NAGK: variants seen among roughly 807,000 people sequenced by gnomAD.
NAGK encodes N-acetylglucosamine kinase, also known as N-acetyl-D-glucosamine kinase.
Under a neutral mutation model 42.9 loss-of-function variants are expected in NAGK, and 35 were observed. The observed-to-expected ratio is 0.82, with a 90% CI of 0.62 to 1.08. NAGK has a LOEUF of 1.08. Among genes scored for constraint, NAGK ranks in the 50% least tolerant of loss-of-function variants. NAGK has a pLI of 0.00. For synonymous variants in NAGK, 172 were observed against 176.0 expected (o/e 0.98, Z 0.18); for missense variants, 446 against 446.0 (o/e 1.00, Z 0.00).
chr2:71,078,200 C>A, intron 9 of NAGK, 118 bp from the exon 10 acceptor site: 1 of 983,760 alleles, frequency 1.0e-6, no homozygotes. Flanking sequence ...CATGTAGGCC[C>A]CTCCAGCATC....
chr2:71,076,870 T>G (rs1001835503), intron 8 of NAGK, among the ~76,000 whole-genome samples, 169 bp downstream of exon 8: 1 of 152,212 alleles, frequency 6.6e-6, no homozygotes, highest in Non-Finnish European at 1.5e-5. Flanking sequence ...AGTTCTTTGG[T>G]CAAATGCCGC....
In NAGK at chr2:71,073,522, C is replaced by T. The variant is rs144182116; in HGVS notation, c.507C>T (p.Asp169=). 25 of 1,614,038 alleles carry T rather than the reference C, an allele frequency of 1.5e-5. No individual in the cohort carries two copies. In the African/African-American group the frequency reaches 2.9e-4, roughly 19 times the overall value. The change falls in exon 6 of 10, where the codon GAC becomes GAT. Residue 169 remains aspartate, a synonymous_variant. Coordinates refer to ENST00000244204, the MANE Select transcript of NAGK (RefSeq NM_017567.6). ...IAHQAVKIVF[D]SIDNLEAAPH... Reference sequence around the variant, plus strand: ...ACCAAGCAGTGAAAATAGTGTTTGACTCCATTGACAACCTAGAGGCGGCTC... The same window carrying T: ...ACCAAGCAGTGAAAATAGTGTTTGATTCCATTGACAACCTAGAGGCGGCTC...
intron 4 of NAGK, 137 bp downstream of exon 4, chr2:71,071,964 T>C: frequency 8.2e-7 from 1 of 1,219,526 alleles, no homozygotes; most frequent in East Asian, 2.6e-5. Context: ...TTAAGTAGTT[T>C]AAGTCTCTGC....
In NAGK at chr2:71,078,512, G is replaced by A. The variant is rs1173771994; in HGVS notation, c.*4G>A. 1.3e-6 allele frequency: 2 copies of A among 1,513,392 alleles called. No homozygotes were observed. Among genetic ancestry groups the A allele is most frequent in the African/African-American group, 1.4e-5 (1 of 71,942 alleles). 93.7% of individuals were successfully genotyped at this position (1,513,392 alleles called of 1,614,324 possible). On this transcript the variant is annotated 3_prime_UTR_variant, in exon 10 of 10. Coordinates refer to ENST00000244204, the MANE Select transcript of NAGK (RefSeq NM_017567.6). ...CTATTCCTACACCTTTTCCTAGGGGGCTGGTCCCGGCTCCACCCCCTCCAA... is the reference window on the plus strand; with the variant it reads ...CTATTCCTACACCTTTTCCTAGGGGACTGGTCCCGGCTCCACCCCCTCCAA...
chr2:71,074,693 T>G (rs1201463479), intron 6 of NAGK: 1 of 152,236 alleles, frequency 6.6e-6, no homozygotes, highest in Non-Finnish European at 1.5e-5. Flanking sequence ...GGTGGGCGGA[T>G]CACTTGAGGT....
Position 71,068,668 on chromosome 2 carries a change from C to A in NAGK, c.-16C>A, listed in dbSNP as rs754408067. 1 of 1,519,138 alleles carries A rather than the reference C, an allele frequency of 6.6e-7. No homozygotes were observed. The highest frequency in any genetic ancestry group is 1.2e-5 in the South Asian group (1 of 81,460). The allele number at this position is 1,519,138 out of a possible 1,614,324, so 94.1% of individuals were successfully genotyped here. The stretch of plus-strand genomic sequence containing the variant: ...GAGACGCAAACGGCGGGACCAGCAG[C>A]GACGGTAGCAGCAGCATGGCCGCGA... On this transcript the variant is annotated 5_prime_UTR_variant, in exon 1 of 10. Coordinates refer to ENST00000244204, the MANE Select transcript of NAGK (RefSeq NM_017567.6).
At position 71,070,486 on chromosome 2, in the gene NAGK, C is replaced by T; in HGVS notation, c.30-16C>T. The T allele has an allele frequency of 6.2e-7, 1 of 1,609,832 alleles. No individual in the cohort carries two copies. On this transcript the variant is annotated splice_polypyrimidine_tract_variant and intron_variant, in intron 1 of 9. Transcript: ENST00000244204. ...GTTTTTCCGAGCAAGATCAAGTGCC[C>T]TCTTGTGTTCTGTAGGGGAGGCACA...
At chr2:71,068,517 C>A (rs1198534290), upstream of NAGK, 4 of 1,448,608 alleles carry the variant, frequency 2.8e-6, no homozygotes, top group Non-Finnish European at 3.6e-6. Flanking sequence ...GCAGCCATCC[C>A]CGGCTCCTAC....
intron 6 of NAGK, among the ~76,000 whole-genome samples, chr2:71,074,065 G>A (rs528512601): frequency 6.6e-6 from 1 of 152,194 alleles, no homozygotes; most frequent in Non-Finnish European, 1.5e-5. Context: ...TCCTCTGGGC[G>A]TTGGGGATTG....
chr2:71,077,075 A>C (rs530700357), intron 8 of NAGK, among the ~76,000 whole-genome samples: 27 of 152,116 alleles, frequency 1.8e-4, no homozygotes, highest in Non-Finnish European at 3.8e-4. Flanking sequence ...TCCCAGGTTC[A>C]AGTGATTCTC....
chr2:71,077,459 G>A (rs753048974), intron 8 of NAGK, 99 bp from the exon 9 acceptor site: 18 of 1,158,536 alleles, frequency 1.6e-5, no homozygotes, highest in Admixed American at 2.1e-5. Context: ...GCTTGAGGGC[G>A]AGTAACTGGG....
chr2:71,071,882 C>T (rs1672026716), intron 4 of NAGK, 55 bp downstream of exon 4: 3 of 1,599,574 alleles, frequency 1.9e-6, no homozygotes, highest in Middle Eastern at 3.3e-4. Context: ...GGGAAAGCCC[C>T]TTAGATATAG....
In NAGK at chr2:71,068,659, G is replaced by A. The variant is rs972156161; in HGVS notation, c.-25G>A. 1.6e-5 allele frequency: 25 copies of A among 1,521,456 alleles called. No individual in the cohort carries two copies. Among genetic ancestry groups the A allele is most frequent in the Non-Finnish European group, 2.1e-5 (24 of 1,134,408 alleles). The allele number at this position is 1,521,456 out of a possible 1,614,324, so 94.2% of individuals were successfully genotyped here. ...AGGCGGGGAGAGACGCAAACGGCGG[G>A]ACCAGCAGCGACGGTAGCAGCAGCA... On this transcript the variant is annotated 5_prime_UTR_variant, in exon 1 of 10. Coordinates refer to ENST00000244204, the MANE Select transcript of NAGK (RefSeq NM_017567.6).
At chr2:71,068,514 T>TCCCCGGCTCCTACCGGCG, upstream of NAGK, 2 of 1,443,288 alleles carry the variant, frequency 1.4e-6, no homozygotes, top group South Asian at 1.4e-5. Flanking sequence ...GACGCAGCCA[T>TCCCCGGCTCCTACCGGCG]CCCCGGCTCC....
intron 6 of NAGK, chr2:71,075,299 A>G (rs1672166471): frequency 1.8e-5 from 7 of 392,088 alleles, no homozygotes; most frequent in Middle Eastern, 1.2e-3. Flanking sequence ...TCAAGAAACT[A>G]TAGGAAACAC....
intron 5 of NAGK, 96 bp downstream of exon 5, chr2:71,072,847 G>A: frequency 9.2e-7 from 1 of 1,090,650 alleles, no homozygotes; most frequent in Non-Finnish European, 1.4e-6. Flanking sequence ...TGAGCCCTTG[G>A]GGCTTCCTGG....
intron 4 of NAGK, chr2:71,072,349 C>T (rs1327224255): frequency 4.8e-6 from 2 of 419,624 alleles, no homozygotes; most frequent in Admixed American, 7.2e-5. Context: ...CCCAGTAAAG[C>T]AGGTAGAGTC....
intron 6 of NAGK, chr2:71,074,602 C>A (rs1281922534): frequency 6.6e-6 from 1 of 152,204 alleles, no homozygotes; most frequent in Non-Finnish European, 1.5e-5. Context: ...CCACCCACCC[C>A]CTCAGACATT....
chr2:71,068,958 G>T (rs889365809), intron 1 of NAGK: 1 of 1,265,978 alleles, frequency 7.9e-7, no homozygotes, highest in Non-Finnish European at 9.9e-7. Flanking sequence ...GCGGAACCAC[G>T]CCCCTTTCTT....
Sources: allele counts gnomAD v4.1 joint callset (sites outside exome capture counted in the v4.1 genomes callset), GRCh38; gene constraint gnomAD v4.1.1; transcripts MANE v1.5; gene names NCBI Gene and HGNC (gene_info 2026-07-23, HGNC 2026-07-21).